The following ITFG1 variants were observed in gnomAD, a reference collection of about 807,000 sequenced individuals.
ITFG1 encodes T-cell immunomodulatory protein.
In ITFG1, 34 loss-of-function variants were observed where a neutral mutation model predicts 81.8. The ratio of observed to expected loss-of-function variants is 0.42; its 90% CI spans 0.32 to 0.55. The LOEUF is 0.55. Ranked by LOEUF, ITFG1 falls within the 20% of genes least tolerant of loss-of-function variation. The pLI is 0.17. For missense variants in ITFG1, 672 were observed against 755.4 expected, an observed-to-expected ratio of 0.89 and a Z score of 1.29; for synonymous variants, 285 against 270.6, an observed-to-expected ratio of 1.05 and a Z score of -0.52.
intron 14 of ITFG1, among the ~76,000 whole-genome samples, chr16:47,183,373 T>C (rs1965159953): frequency 6.6e-6 from 1 of 152,282 alleles, no homozygotes; most frequent in East Asian, 1.9e-4. Flanking sequence ...CAGACTTAAA[T>C]GTCCCTGTCT....
At chr16:47,341,115 A>T in intron 8 of ITFG1, among the ~76,000 whole-genome samples, 1 of 152,062 alleles carries the variant, frequency 6.6e-6, no homozygotes. Flanking sequence ...TCACTAGGGA[A>T]ATGAGAAAGT....
At chr16:47,189,704 T>A (rs1187935785) in intron 14 of ITFG1, among the ~76,000 whole-genome samples, 1 of 152,236 alleles carries the variant, frequency 6.6e-6, no homozygotes, top group Non-Finnish European at 1.5e-5. Flanking sequence ...TCTGTTCTCT[T>A]GGGAATATAC....
chr16:47,236,886 C>G (rs1459894079), intron 13 of ITFG1, among the ~76,000 whole-genome samples: 1 of 152,214 alleles, frequency 6.6e-6, no homozygotes, highest in Non-Finnish European at 1.5e-5. Context: ...GCTAACAGCT[C>G]ACAGCAGGGT....
At chr16:47,186,544 T>C (rs1423408021) in intron 14 of ITFG1, among the ~76,000 whole-genome samples, 1 of 152,170 alleles carries the variant, frequency 6.6e-6, no homozygotes, top group Non-Finnish European at 1.5e-5. Context: ...GAAAAGGCCT[T>C]TGACAAAATT....
At chr16:47,277,965 A>G (rs567264059) in intron 10 of ITFG1, among the ~76,000 whole-genome samples, 2 of 152,216 alleles carry the variant, frequency 1.3e-5, no homozygotes, top group South Asian at 4.1e-4. Context: ...GCGCAAACAG[A>G]TAACCTTTAA....
intron 6 of ITFG1, among the ~76,000 whole-genome samples, chr16:47,405,513 A>C (rs1193674308): frequency 6.6e-6 from 1 of 152,228 alleles, no homozygotes; most frequent in East Asian, 1.9e-4. Flanking sequence ...GTACATGTGC[A>C]TTTAATGGTT....
intron 10 of ITFG1, among the ~76,000 whole-genome samples, chr16:47,268,481 G>C (rs1486001232): frequency 6.6e-6 from 1 of 152,192 alleles, no homozygotes; most frequent in Non-Finnish European, 1.5e-5. Flanking sequence ...AAATAGATGA[G>C]AAAGACATAC....
At chr16:47,420,516 G>T (rs1299538921) in intron 6 of ITFG1, among the ~76,000 whole-genome samples, 2 of 152,190 alleles carry the variant, frequency 1.3e-5, no homozygotes, top group Non-Finnish European at 2.9e-5. Flanking sequence ...CAATGATGGA[G>T]GTGGGCCTAA....
intron 14 of ITFG1, among the ~76,000 whole-genome samples, chr16:47,214,958 A>G (rs895501003): frequency 9.9e-4 from 142 of 142,870 alleles, no homozygotes; most frequent in Middle Eastern, 3.5e-3. Flanking sequence ...ACACACACAC[A>G]CACGCACGCA....
chr16:47,253,435 G>C (rs146790242), intron 12 of ITFG1, among the ~76,000 whole-genome samples: 1 of 152,250 alleles, frequency 6.6e-6, no homozygotes, highest in Non-Finnish European at 1.5e-5. Context: ...GTAGTTTGCT[G>C]TCTCACTATT....
At chr16:47,354,497 G>T (rs1968011999) in intron 8 of ITFG1, among the ~76,000 whole-genome samples, 1 of 152,004 alleles carries the variant, frequency 6.6e-6, no homozygotes, top group Non-Finnish European at 1.5e-5. Flanking sequence ...TCTTGTCAAG[G>T]ATTTTTTTAG....
chr16:47,236,474 CAAAAAAAA>C (rs68028486), intron 13 of ITFG1, among the ~76,000 whole-genome samples: 1 of 52,282 alleles, frequency 1.9e-5, no homozygotes, highest in African/African-American at 6.4e-5. Flanking sequence ...GACTCCATCT[CAAAAAAAA>C]AAAAAAAAAA....
chr16:47,335,274 T>C (rs1183450554), intron 8 of ITFG1, among the ~76,000 whole-genome samples: 1 of 152,044 alleles, frequency 6.6e-6, no homozygotes, highest in African/African-American at 2.4e-5. Flanking sequence ...GGAGAATCAT[T>C]TGAACCTGGG....
chr16:47,413,491 T>TC (rs1466041766), intron 6 of ITFG1, among the ~76,000 whole-genome samples: 2 of 152,186 alleles, frequency 1.3e-5, no homozygotes, highest in African/African-American at 4.8e-5. Flanking sequence ...GCCCAGGAGT[T>TC]CAAGACTTGC....
At chr16:47,321,438 T>C (rs943761366) in intron 8 of ITFG1, among the ~76,000 whole-genome samples, 15 of 152,350 alleles carry the variant, frequency 9.8e-5, no homozygotes, top group Non-Finnish European at 1.6e-4. Flanking sequence ...GGCTGAAATT[T>C]TTAAAAATCC....
chr16:47,296,197 A>T (rs1377926619), intron 10 of ITFG1, among the ~76,000 whole-genome samples: 1 of 151,682 alleles, frequency 6.6e-6, no homozygotes, highest in African/African-American at 2.4e-5. Context: ...CAGCTGCCCA[A>T]AGACGCTGAG....
intron 12 of ITFG1, among the ~76,000 whole-genome samples, chr16:47,243,134 C>A (rs1965956621): frequency 6.6e-6 from 1 of 151,988 alleles, no homozygotes; most frequent in African/African-American, 2.4e-5. Flanking sequence ...ATAAGGAACT[C>A]ATTAAATTAT....
intron 6 of ITFG1, among the ~76,000 whole-genome samples, chr16:47,413,255 AC>A (rs1400538937): frequency 6.6e-6 from 1 of 152,240 alleles, no homozygotes; most frequent in Admixed American, 6.5e-5. Context: ...ATTCTGCCAA[AC>A]AAAACTTCTT....
chr16:47,361,830 A>G (rs1968113701), intron 8 of ITFG1, among the ~76,000 whole-genome samples: 2 of 152,054 alleles, frequency 1.3e-5, no homozygotes, highest in Non-Finnish European at 2.9e-5. Context: ...ACCACCTTTT[A>G]GCACCCATTT....
Sources: allele counts gnomAD v4.1 joint callset (sites outside exome capture counted in the v4.1 genomes callset), GRCh38; gene constraint gnomAD v4.1.1; transcripts MANE v1.5; gene names NCBI Gene and HGNC (gene_info 2026-07-23, HGNC 2026-07-21).